DACT1: variants seen among roughly 807,000 people sequenced by gnomAD.
DACT1 encodes dishevelled binding antagonist of beta catenin 1, also known as dapper homolog 1.
In DACT1, 19 loss-of-function variants were observed where a neutral mutation model predicts 35.3. The ratio of observed to expected loss-of-function variants is 0.54; its 90% CI spans 0.38 to 0.79. The LOEUF is 0.79. Ranked by LOEUF, DACT1 falls within the 30% of genes least tolerant of loss-of-function variation. The pLI, the probability that DACT1 is intolerant of heterozygous loss-of-function variation, is 0.00. For missense variants in DACT1, 1,143 were observed against 1,057.5 expected (o/e 1.08, Z -1.12); for synonymous variants, 545 against 466.7 (o/e 1.17, Z -2.16).
intron 1 of DACT1, chr14:58,638,898 G>T: frequency 9.7e-7 from 1 of 1,032,402 alleles, no homozygotes; most frequent in Non-Finnish European, 1.2e-6. Context: ...TCTCCCCAGC[G>T]GTTTGCAAAC....
At chr14:58,638,824 T>G (rs2047600747) in intron 1 of DACT1, 1 of 1,146,730 alleles carries the variant, frequency 8.7e-7, no homozygotes, top group Non-Finnish European at 1.1e-6. Flanking sequence ...CTCCTCTGCC[T>G]TCGGGATTCT....
chr14:58,638,830 A>T, intron 1 of DACT1: 1 of 1,141,938 alleles, frequency 8.8e-7, no homozygotes, highest in Non-Finnish European at 1.1e-6. Context: ...TGCCTTCGGG[A>T]TTCTTGGAGT....
chr14:58,636,826 C>T (rs1456511649), upstream of DACT1, among the ~76,000 whole-genome samples: 1 of 151,842 alleles, frequency 6.6e-6, no homozygotes, highest in Non-Finnish European at 1.5e-5. Context: ...AATTTTCAGA[C>T]CCCTATCCCA....
chr14:58,646,680 C>T lies in DACT1; in HGVS notation c.1946C>T (p.Ser649Phe), dbSNP rs762762559. The change falls in exon 4 of 4, where the codon TCC becomes TTC. Residue 649 changes from serine (S) to phenylalanine (F), a missense_variant. This residue lies in a region of DACT1 where 1,054 missense variants were observed against 958.8 expected (regional missense o/e 1.10). Transcript: ENST00000395153. ...CGGTGGAAGTCCTCGGCCGAGATTTCCTACGAAGAGGCCCTGAGGAGGGCC... is the reference window on the plus strand; with the variant it reads ...CGGTGGAAGTCCTCGGCCGAGATTTTCTACGAAGAGGCCCTGAGGAGGGCC... ...YRRWKSSAEI[S>F]YEEALRRARR... is the part of the protein sequence containing the mutation. The T allele has an allele frequency of 1.2e-6, 2 of 1,612,702 alleles. No individual in the cohort carries two copies. The highest frequency in any genetic ancestry group is 2.2e-5 in the East Asian group (1 of 44,860).
In DACT1 at chr14:58,646,172, G is replaced by A; in HGVS notation, c.1438G>A (p.Gly480Ser). ...KKMSQKNSLQ[G>S]VPPATPPLLS... ...GATGTCACAGAAAAACAGCCTGCAG[G>A]GCGTCCCCCCGGCCACTCCTCCCCT... The change falls in exon 4 of 4, where the codon GGC becomes AGC. Residue 480 changes from glycine to serine, a missense_variant. Physicochemically the swap from Gly to Ser is moderately conservative, Grantham distance 56. This residue lies in a region of DACT1 where 1,054 missense variants were observed against 958.8 expected (regional missense o/e 1.10). Coordinates refer to ENST00000395153, the MANE Select transcript of DACT1 (RefSeq NM_001079520.2). 1 of 1,613,596 alleles carries A rather than the reference G, an allele frequency of 6.2e-7. No individual in the cohort carries two copies. The highest frequency in any genetic ancestry group is 8.5e-7 in the Non-Finnish European group (1 of 1,179,876).
intron 1 of DACT1, chr14:58,639,047 G>A (rs2047603003): frequency 2.0e-6 from 2 of 985,458 alleles, no homozygotes; most frequent in South Asian, 4.7e-5. Context: ...TGGAGCGCCT[G>A]TAGGGAGCCG....
Position 58,646,608 on chromosome 14 carries a change from G to A in DACT1, c.1874G>A (p.Arg625Gln), listed in dbSNP as rs1207018337. Residue 625 changes from arginine (R) to glutamine (Q), a missense_variant, in exon 4 of 4, where the codon CGG (arginine) becomes CAG (glutamine). Arg to Gln is a conservative substitution (Grantham distance 43, BLOSUM62 1). Coordinates refer to ENST00000395153, the MANE Select transcript of DACT1 (RefSeq NM_001079520.2). ...RAGSRAHGHGREAVVAKPKHK... is the reference protein window; with the variant it reads ...RAGSRAHGHGQEAVVAKPKHK... ...GGGAGCAGGGCGCATGGCCACGGAC[G>A]GGAGGCGGTGGTGGCCAAACCTAAG... 18 of 1,601,590 alleles carry A rather than the reference G, an allele frequency of 1.1e-5. No homozygotes were observed. The Middle Eastern group carries it at 8.3e-4, about 74-fold the overall frequency.
At position 58,647,324 on chromosome 14, in the gene DACT1, T is replaced by C. The variant is rs2047703118; in HGVS notation, c.*190T>C. The C allele has an allele frequency of 1.5e-6, 1 of 688,082 alleles. No individual in the cohort carries two copies. Among genetic ancestry groups the C allele is most frequent in the Non-Finnish European group, 2.4e-6 (1 of 416,338 alleles). The allele number at this position is 688,082 out of a possible 1,614,324, so 42.6% of individuals were successfully genotyped here. On this transcript the variant is annotated 3_prime_UTR_variant, in exon 4 of 4. Coordinates refer to ENST00000395153, the MANE Select transcript of DACT1 (RefSeq NM_001079520.2). Reference sequence around the variant, plus strand: ...AGTGCCTTTAATGGAAGGTAAAGAATGTTTTGCTAGTTAGAAGTACATATT... The same window carrying C: ...AGTGCCTTTAATGGAAGGTAAAGAACGTTTTGCTAGTTAGAAGTACATATT...
chr14:58,641,210 T>G (rs566583835), intron 2 of DACT1, among the ~76,000 whole-genome samples: 1 of 150,580 alleles, frequency 6.6e-6, no homozygotes, highest in East Asian at 1.9e-4. Flanking sequence ...CTTCAAAAGT[T>G]TTTTTTTTTT....
chr14:58,638,165 C>T lies in DACT1; in HGVS notation c.-38C>T, dbSNP rs1419766212. On this transcript the variant is annotated 5_prime_UTR_variant, in exon 1 of 4. Coordinates refer to ENST00000395153, the MANE Select transcript of DACT1 (RefSeq NM_001079520.2). ...GCCCTGCTCCTCCGCCTGGGCGGCC[C>T]GGCTGCGGTGACGGCTCTCGCTGCC... 4.0e-5 allele frequency: 51 copies of T among 1,272,222 alleles called. No homozygotes were observed. Among genetic ancestry groups the T allele is most frequent in the Non-Finnish European group, 4.8e-5 (48 of 1,009,824 alleles). The allele number at this position is 1,272,222 out of a possible 1,614,324, so 78.8% of individuals were successfully genotyped here. A position where few individuals can be genotyped will look rare whatever the true frequency, so the allele number is the denominator to read the frequency against.
At chr14:58,642,269 T>C (rs1026564583) in intron 3 of DACT1, among the ~76,000 whole-genome samples, 2 of 151,808 alleles carry the variant, frequency 1.3e-5, no homozygotes, top group African/African-American at 2.4e-5. Flanking sequence ...GGTGGATCAC[T>C]TGAGGTCAGG....
In DACT1 at chr14:58,647,272, ATT is replaced by A; in HGVS notation, c.*139_*140del. 1 of 1,050,446 alleles carries A rather than the reference ATT, an allele frequency of 9.5e-7. No homozygotes were observed. The highest frequency in any genetic ancestry group is 1.6e-5 in the South Asian group (1 of 61,218). 65.1% of individuals were successfully genotyped at this position (1,050,446 alleles called of 1,614,324 possible). ...AAAAAATATAAAACCAAGGTAAATTATTGTTTCATCTTCACGTATGGATGCTA... is the reference window on the plus strand; with the variant it reads ...AAAAAATATAAAACCAAGGTAAATTAGTTTCATCTTCACGTATGGATGCTA... On this transcript the variant is annotated 3_prime_UTR_variant, in exon 4 of 4. Coordinates refer to ENST00000395153, the MANE Select transcript of DACT1 (RefSeq NM_001079520.2).
At chr14:58,636,703 A>G (rs543912589), upstream of DACT1, among the ~76,000 whole-genome samples, 33 of 152,200 alleles carry the variant, frequency 2.2e-4, no homozygotes, top group African/African-American at 7.9e-4. Context: ...TTCACACAAC[A>G]CTTTGCCTGA....
chr14:58,635,028 A>G (rs560532104), upstream of DACT1, among the ~76,000 whole-genome samples: 18 of 152,348 alleles, frequency 1.2e-4, no homozygotes, highest in African/African-American at 4.3e-4. Flanking sequence ...CTGAGTGTCA[A>G]TTAACAGTTT....
intron 1 of DACT1, among the ~76,000 whole-genome samples, chr14:58,640,356 C>A (rs983506812): frequency 6.6e-6 from 1 of 152,214 alleles, no homozygotes; most frequent in Non-Finnish European, 1.5e-5. Flanking sequence ...AAATCTCTTA[C>A]TCTCATTTCA....
At position 58,646,806 on chromosome 14, in the gene DACT1, C is replaced by G. The variant is rs756669041; in HGVS notation, c.2072C>G (p.Ala691Gly). The stretch of plus-strand genomic sequence containing the variant: ...GTGGCTAGCGACTCCGAGTACTCGG[C>G]CGAGTGCGAGTCCCTGTTCCACTCC... Reference protein sequence around the residue: ...AYVASDSEYSAECESLFHSTV... With the variant: ...AYVASDSEYSGECESLFHSTV... Residue 691 changes from alanine (A) to glycine (G), a missense_variant, in exon 4 of 4, where the codon GCC becomes GGC. Transcript: ENST00000395153. 6.2e-7 allele frequency: 1 copy of G among 1,614,142 alleles called. No homozygotes were observed. The highest frequency in any genetic ancestry group is 2.2e-5 in the East Asian group (1 of 44,866).
chr14:58,635,438 C>T (rs554566790), upstream of DACT1, among the ~76,000 whole-genome samples: 1 of 152,218 alleles, frequency 6.6e-6, no homozygotes, highest in Non-Finnish European at 1.5e-5. Flanking sequence ...CTTCTAACTT[C>T]ATTTGACAGC....
In DACT1 at chr14:58,645,781, G is replaced by T. The variant is rs1447434942; in HGVS notation, c.1047G>T (p.Gln349His). The T allele has an allele frequency of 1.2e-6, 2 of 1,614,152 alleles. No homozygotes were observed. The highest frequency in any genetic ancestry group is 4.5e-5 in the East Asian group (2 of 44,888). Residue 349 changes from glutamine (Q) to histidine (H), a missense_variant, in exon 4 of 4, where the codon CAG becomes CAT. Around this residue, in one of 3 missense-constraint regions of DACT1, gnomAD observed 1,054 missense variants for 958.8 expected, o/e 1.10. Coordinates refer to ENST00000395153, the MANE Select transcript of DACT1 (RefSeq NM_001079520.2). ...VCVRAPGGVS[Q>H]GNSVNLKNSK... is the part of the protein sequence containing the mutation. ...TCAGAGCCCCGGGCGGTGTCTCACA[G>T]GGCAACAGTGTGAACCTTAAGAATT...
In DACT1 at chr14:58,648,051, C is replaced by G. The variant is rs895998098; in HGVS notation, c.*917C>G. ...ATCCAGTCCAGATTGGACCTTTGAT[C>G]CTATGTGGAAGGGCTGTTTTTTAAG... On this transcript the variant is annotated 3_prime_UTR_variant, in exon 4 of 4. Coordinates refer to ENST00000395153, the MANE Select transcript of DACT1 (RefSeq NM_001079520.2). 1.6e-4 allele frequency: 27 copies of G among 167,002 alleles called. No homozygotes were observed. The highest frequency in any genetic ancestry group is 6.0e-4 in the African/African-American group (25 of 41,430). The allele number at this position is 167,002 out of a possible 1,614,324, so 10.3% of individuals were successfully genotyped here.
Sources: allele counts gnomAD v4.1 joint callset (sites outside exome capture counted in the v4.1 genomes callset), GRCh38; gene constraint gnomAD v4.1.1; regional missense constraint gnomAD v4.1.1; transcripts MANE v1.5; gene names NCBI Gene and HGNC (gene_info 2026-07-23, HGNC 2026-07-21).